GLIS1: variants seen among roughly 807,000 people sequenced by gnomAD.
The protein encoded by GLIS1 is GLIS family zinc finger 1.
Under a neutral mutation model 63.8 loss-of-function variants are expected in GLIS1, and 24 were observed. The observed-to-expected ratio is 0.38, with a 90% CI of 0.27 to 0.53. GLIS1 has a LOEUF of 0.53. Ranked by LOEUF, GLIS1 falls within the 20% of genes least tolerant of loss-of-function variation. GLIS1 has a pLI of 0.85. For missense variants in GLIS1, 1,036 were observed against 1,074.1 expected (o/e 0.96, Z 0.50); for synonymous variants, 450 against 482.5 (o/e 0.93, Z 0.88).
chr1:53,631,150 G>A (rs1557491045), intron 2 of GLIS1, among the ~76,000 whole-genome samples: 1 of 152,142 alleles, frequency 6.6e-6, no homozygotes, highest in Non-Finnish European at 1.5e-5. Flanking sequence ...TAATCTAACG[G>A]GTTTTTTTAG....
intron 4 of GLIS1, among the ~76,000 whole-genome samples, chr1:53,566,679 T>C (rs1292134348): frequency 6.6e-6 from 1 of 152,196 alleles, no homozygotes; most frequent in African/African-American, 2.4e-5. Context: ...GCTGTTCTCA[T>C]GATAGTGAGT....
At chr1:53,670,231 C>A (rs1342956466) in intron 2 of GLIS1, among the ~76,000 whole-genome samples, 1 of 152,184 alleles carries the variant, frequency 6.6e-6, no homozygotes, top group African/African-American at 2.4e-5. Context: ...GAGGAGGCAG[C>A]GTCCCAGAGT....
At chr1:53,602,789 G>A (rs937730960) in intron 2 of GLIS1, among the ~76,000 whole-genome samples, 7 of 152,204 alleles carry the variant, frequency 4.6e-5, no homozygotes, top group Non-Finnish European at 8.8e-5. Context: ...CCCACATCCT[G>A]CTGCCTCTTG....
intron 2 of GLIS1, among the ~76,000 whole-genome samples, chr1:53,711,235 C>T (rs751073439): frequency 2.2e-4 from 33 of 152,146 alleles, no homozygotes; most frequent in Non-Finnish European, 3.8e-4. Flanking sequence ...TCCAAGGCCA[C>T]ACCAAGCGCT....
At chr1:53,612,217 G>A (rs1645431467) in intron 2 of GLIS1, among the ~76,000 whole-genome samples, 1 of 152,122 alleles carries the variant, frequency 6.6e-6, no homozygotes, top group African/African-American at 2.4e-5. Context: ...TAACTTGAAG[G>A]AAAAGCAATG....
At chr1:53,725,880 C>G (rs1481680822) in intron 2 of GLIS1, among the ~76,000 whole-genome samples, 1 of 152,210 alleles carries the variant, frequency 6.6e-6, no homozygotes, top group Non-Finnish European at 1.5e-5. Flanking sequence ...TACTGAAAAT[C>G]TGCTTCAAGA....
intron 2 of GLIS1, among the ~76,000 whole-genome samples, chr1:53,607,784 T>A (rs1645385712): frequency 6.6e-6 from 1 of 152,152 alleles, no homozygotes; most frequent in Non-Finnish European, 1.5e-5. Flanking sequence ...ACAACTGAAA[T>A]GTATTTTCTC....
chr1:53,694,370 C>G (rs1040227048), intron 2 of GLIS1, among the ~76,000 whole-genome samples: 3 of 152,168 alleles, frequency 2.0e-5, no homozygotes, highest in African/African-American at 7.2e-5. Context: ...GGACTCAAGT[C>G]CAAGCTTATA....
At chr1:53,524,928 C>T (rs1281958516) in intron 5 of GLIS1, 41 bp from the exon 6 acceptor site, 1 of 1,450,732 alleles carries the variant, frequency 6.9e-7, no homozygotes, top group Non-Finnish European at 9.7e-7. Context: ...TGAGGCCCAT[C>T]CCTACGGGAC....
chr1:53,727,511 G>A (rs1646817251), intron 2 of GLIS1, among the ~76,000 whole-genome samples: 1 of 152,240 alleles, frequency 6.6e-6, no homozygotes, highest in Non-Finnish European at 1.5e-5. Context: ...TAAGCCACAA[G>A]ATGAGACGCG....
At chr1:53,650,788 C>T (rs1645898695) in intron 2 of GLIS1, among the ~76,000 whole-genome samples, 1 of 152,172 alleles carries the variant, frequency 6.6e-6, no homozygotes, top group Non-Finnish European at 1.5e-5. Context: ...CAGGACGCTC[C>T]CCCAGTCCTG....
chr1:53,656,530 C>A (rs1305008803), intron 2 of GLIS1, among the ~76,000 whole-genome samples: 1 of 152,182 alleles, frequency 6.6e-6, no homozygotes, highest in East Asian at 1.9e-4. Flanking sequence ...AAATTCAAAC[C>A]ACAAGACATG....
At chr1:53,547,884 G>T (rs550381257) in intron 4 of GLIS1, among the ~76,000 whole-genome samples, 2 of 152,180 alleles carry the variant, frequency 1.3e-5, no homozygotes, top group African/African-American at 4.8e-5. Flanking sequence ...AGCCAAACAC[G>T]GCCCAGTGGT....
intron 2 of GLIS1, among the ~76,000 whole-genome samples, chr1:53,642,327 T>C (rs1240771909): frequency 6.6e-6 from 1 of 152,156 alleles, no homozygotes; most frequent in Non-Finnish European, 1.5e-5. Flanking sequence ...ACTGGAGAGA[T>C]TGTTCTGGAC....
intron 2 of GLIS1, among the ~76,000 whole-genome samples, chr1:53,644,479 C>G (rs775002317): frequency 6.6e-6 from 1 of 152,174 alleles, no homozygotes; most frequent in East Asian, 1.9e-4. Flanking sequence ...AGCTTCCGTA[C>G]AGAAGAGGAG....
intron 2 of GLIS1, among the ~76,000 whole-genome samples, chr1:53,665,741 C>T (rs11584164): frequency 6.6e-6 from 1 of 152,074 alleles, no homozygotes; most frequent in African/African-American, 2.4e-5. Flanking sequence ...AAGCAGCTAT[C>T]AAGGAGGTAG....
At chr1:53,622,601 C>T (rs1302741163) in intron 2 of GLIS1, among the ~76,000 whole-genome samples, 1 of 152,092 alleles carries the variant, frequency 6.6e-6, no homozygotes, top group Admixed American at 6.5e-5. Context: ...TAAATCCAAA[C>T]AGAAGCATCC....
chr1:53,639,692 G>A lies in GLIS1; in HGVS notation c.260-39414C>T, dbSNP rs1029893373. Among the ~76,000 whole-genome samples the A allele has an allele frequency of 1.3e-5, 2 of 152,000 alleles. No individual in the cohort carries two copies. Among genetic ancestry groups the A allele is most frequent in the Admixed American group, 6.6e-5 (1 of 15,258 alleles). ...TATCCTGGGCCGACAGCATACTCAG[G>A]TTTACTCAGTGAATATTTATAAACC... On this transcript the variant is annotated intron_variant, in intron 2 of 10. Transcript: ENST00000628545. The surrounding 1 kb of genome is among the most constrained non-coding windows in gnomAD (Gnocchi z 4.6).
chr1:53,530,943 T>C (rs1327854928), intron 4 of GLIS1, among the ~76,000 whole-genome samples: 1 of 152,210 alleles, frequency 6.6e-6, no homozygotes, highest in Non-Finnish European at 1.5e-5. Flanking sequence ...GACGGGCGCC[T>C]GCTACATCCA....
Sources: gnomAD v4.1 joint callset for allele counts (sites outside exome capture counted in the v4.1 genomes callset) on GRCh38, gnomAD v4.1.1 for gene constraint, Gnocchi (gnomAD v3.1) non-coding constraint, MANE v1.5 for transcripts, NCBI Gene and HGNC (gene_info 2026-07-23, HGNC 2026-07-21) for gene names.